ACTN2: variants seen among roughly 807,000 people sequenced by gnomAD.
The protein encoded by ACTN2 is alpha-actinin-2.
In ACTN2, 39 loss-of-function variants were observed where a neutral mutation model predicts 113.8. The ratio of observed to expected loss-of-function variants is 0.34; its 90% CI spans 0.27 to 0.45. ACTN2 has a LOEUF of 0.45. Ranked by LOEUF, ACTN2 falls within the 20% of genes least tolerant of loss-of-function variation. The pLI, the probability that ACTN2 is intolerant of heterozygous loss-of-function variation, is 1.00. For synonymous variants in ACTN2, 429 were observed against 444.1 expected (o/e 0.97, Z 0.43); for missense variants, 992 against 1,177.9 (o/e 0.84, Z 2.31).
intron 1 of ACTN2, among the ~76,000 whole-genome samples, chr1:236,709,900 A>G (rs1367265929): frequency 1.3e-5 from 2 of 152,346 alleles, no homozygotes; most frequent in South Asian, 2.1e-4. Flanking sequence ...TGTAATTATT[A>G]TTAAAGAAAA....
chr1:236,745,956 G>A (rs1300520392), intron 12 of ACTN2, among the ~76,000 whole-genome samples: 1 of 152,074 alleles, frequency 6.6e-6, no homozygotes, highest in Non-Finnish European at 1.5e-5. Flanking sequence ...GAGGTCAGGA[G>A]ATCAAGACCA....
chr1:236,744,765 G>T lies in ACTN2; in HGVS notation c.1395G>T (p.Ala465=), dbSNP rs750674913. The T allele has an allele frequency of 3.3e-5, 53 of 1,613,986 alleles. No homozygotes were observed. In the Admixed American group the frequency reaches 8.3e-4, roughly 25 times the overall value. The change falls in exon 12 of 21, where the codon GCG becomes GCT. Residue 465 remains alanine (A), a synonymous_variant. Coordinates refer to ENST00000366578, the MANE Select transcript of ACTN2 (RefSeq NM_001103.4). ...GCGTGGAGCAGATCGCAGCCATCGCGCAGGAGCTCAAGTATGTGCAGATGC... is the reference window on the plus strand; with the variant it reads ...GCGTGGAGCAGATCGCAGCCATCGCTCAGGAGCTCAAGTATGTGCAGATGC... ...QDRVEQIAAI[A]QELNELDYHD... is the part of the protein sequence containing the mutation.
In ACTN2 at chr1:236,727,770, G is replaced by T; in HGVS notation, c.615+14G>T. 1 of 1,613,804 alleles carries T rather than the reference G, an allele frequency of 6.2e-7. No individual in the cohort carries two copies. On this transcript the variant is annotated intron_variant, in intron 6 of 20. Transcript: ENST00000366578. ...AAGCTTAACAAGGTTATTCTGGGTG[G>T]CCTGGCATGCAGTGTCCCCAGCCAC... is the stretch of plus-strand genomic sequence containing the variant.
chr1:236,761,455 G>A lies in ACTN2; in HGVS notation c.2526+282G>A, dbSNP rs1659707633. On this transcript the variant is annotated intron_variant, in intron 20 of 20. Coordinates refer to ENST00000366578, the MANE Select transcript of ACTN2 (RefSeq NM_001103.4). ...TGCGTGTGTGTGTGTGTGTGTGTGTGTGTATGTGCGCGCTACTGGTTCGAC... is the reference window on the plus strand; with the variant it reads ...TGCGTGTGTGTGTGTGTGTGTGTGTATGTATGTGCGCGCTACTGGTTCGAC... Among the ~76,000 whole-genome samples the A allele has an allele frequency of 2.6e-5, 4 of 151,528 alleles. No individual in the cohort carries two copies. The South Asian group carries it at 8.3e-4, about 32-fold the overall frequency.
rs116924376 is a variant in ACTN2 at position 236,748,701 on chromosome 1, G to C, written c.1516-423G>C. On this transcript the variant is annotated intron_variant, in intron 13 of 20. Transcript: ENST00000366578. ...CCATTAGGTAGGTGACTTTGGGAAA[G>C]GCACACAACTTCTCTGCACATGTTG... is the stretch of plus-strand genomic sequence containing the variant. Among the ~76,000 whole-genome samples the C allele has an allele frequency of 4.1e-3, 618 of 152,284 alleles. 28 individuals are homozygous for C. In the East Asian group the frequency reaches 0.096, roughly 24 times the overall value.
intron 1 of ACTN2, among the ~76,000 whole-genome samples, chr1:236,693,864 G>A (rs1325637862): frequency 6.6e-6 from 1 of 152,194 alleles, no homozygotes; most frequent in African/African-American, 2.4e-5. Context: ...GTTGCCTTCA[G>A]GAGAGAGTTC....
Position 236,726,290 on chromosome 1 carries a change from G to A in ACTN2, c.536+270G>A, listed in dbSNP as rs74146240. Among the ~76,000 whole-genome samples, 3,344 of 152,266 alleles carry A rather than the reference G, an allele frequency of 0.022. 120 individuals are homozygous for A. Among genetic ancestry groups the A allele is most frequent in the African/African-American group, 0.075 (3,135 of 41,528 alleles). On this transcript the variant is annotated intron_variant, in intron 5 of 20. Coordinates refer to ENST00000366578, the MANE Select transcript of ACTN2 (RefSeq NM_001103.4). ...CTACTGAGTTTGGGGGTGTAAGCAT[G>A]CATCTTACTCTAGCCTTCACCCTGG...
At chr1:236,722,809 G>A (rs1204586370) in intron 4 of ACTN2, among the ~76,000 whole-genome samples, 2 of 152,142 alleles carry the variant, frequency 1.3e-5, no homozygotes, top group Admixed American at 6.6e-5. Context: ...TCAGGGTTTT[G>A]TGTGTGGACC....
intron 17 of ACTN2, 120 bp downstream of exon 17, chr1:236,755,318 G>C: frequency 8.3e-7 from 1 of 1,202,330 alleles, no homozygotes; most frequent in East Asian, 2.3e-5. Flanking sequence ...AAGTATGAAA[G>C]TTAGGGATCT....
chr1:236,745,949 G>C (rs1271908966), intron 12 of ACTN2, among the ~76,000 whole-genome samples: 1 of 151,950 alleles, frequency 6.6e-6, no homozygotes, highest in Non-Finnish European at 1.5e-5. Context: ...TGATCACGAG[G>C]TCAGGAGATC....
intron 1 of ACTN2, among the ~76,000 whole-genome samples, chr1:236,698,241 A>G (rs954411659): frequency 6.6e-6 from 1 of 150,726 alleles, no homozygotes; most frequent in African/African-American, 2.4e-5. Flanking sequence ...AAAAAACATG[A>G]TGTAGAATTA....
At chr1:236,690,791 A>G (rs1666051736) in intron 1 of ACTN2, among the ~76,000 whole-genome samples, 1 of 152,180 alleles carries the variant, frequency 6.6e-6, no homozygotes, top group Non-Finnish European at 1.5e-5. Flanking sequence ...TTTTAATCAT[A>G]AGTGTACAAT....
At chr1:236,688,168 A>C (rs1198647947) in intron 1 of ACTN2, among the ~76,000 whole-genome samples, 1 of 152,160 alleles carries the variant, frequency 6.6e-6, no homozygotes, top group Non-Finnish European at 1.5e-5. Flanking sequence ...AAGTGACTTT[A>C]ATTTTTAGCA....
intron 1 of ACTN2, among the ~76,000 whole-genome samples, chr1:236,691,511 G>A (rs1666082000): frequency 6.6e-6 from 1 of 151,754 alleles, no homozygotes; most frequent in East Asian, 2.0e-4. Flanking sequence ...CAGGTGTGGT[G>A]GTGCACAGCT....
intron 1 of ACTN2, among the ~76,000 whole-genome samples, chr1:236,705,416 G>T (rs752876496): frequency 6.6e-6 from 1 of 152,144 alleles, no homozygotes; most frequent in Non-Finnish European, 1.5e-5. Flanking sequence ...TGAGGAAACT[G>T]GTAAGCCGTT....
At chr1:236,722,634 C>A (rs202071064) in intron 4 of ACTN2, among the ~76,000 whole-genome samples, 457 of 112,026 alleles carry the variant, frequency 4.1e-3, no homozygotes, top group Middle Eastern at 0.01. Flanking sequence ...GACTCCGTCT[C>A]AAAAAAAAAA....
intron 4 of ACTN2, among the ~76,000 whole-genome samples, chr1:236,723,085 G>A (rs1622975): frequency 0.99 from 151,152 of 152,330 alleles, 74,999 homozygotes; most frequent in Middle Eastern, 1. Flanking sequence ...AAACTTCAGT[G>A]GCAATTTTAA....
At chr1:236,712,627 C>G (rs995961862) in intron 1 of ACTN2, among the ~76,000 whole-genome samples, 3 of 152,150 alleles carry the variant, frequency 2.0e-5, no homozygotes, top group Non-Finnish European at 4.4e-5. Context: ...CCACTGCACT[C>G]CAGCCTGGGT....
At position 236,725,990 on chromosome 1, in the gene ACTN2, G is replaced by C. The variant is rs727505146; in HGVS notation, c.506G>C (p.Arg169Thr). 7 of 1,614,186 alleles carry C rather than the reference G, an allele frequency of 4.3e-6. 1 individual carries two copies. Among genetic ancestry groups the C allele is most frequent in the Non-Finnish European group, 8.5e-7 (1 of 1,180,018 alleles). Residue 169 changes from arginine (R) to threonine (T), a missense_variant, in exon 5 of 21, where the codon AGA becomes ACA. By Grantham distance (71) the Arg-to-Thr change is moderately conservative (BLOSUM62 -1). Coordinates refer to ENST00000366578, the MANE Select transcript of ACTN2 (RefSeq NM_001103.4). Reference protein sequence around the residue: ...LWCQRKTAPYRNVNIQNFHTS... With the variant: ...LWCQRKTAPYTNVNIQNFHTS... ...TGTCAGAGGAAAACTGCTCCTTATAGAAATGTGAACATTCAGAACTTCCAT... is the reference window on the plus strand; with the variant it reads ...TGTCAGAGGAAAACTGCTCCTTATACAAATGTGAACATTCAGAACTTCCAT...
Sources: allele counts gnomAD v4.1 joint callset (sites outside exome capture counted in the v4.1 genomes callset), GRCh38; gene constraint gnomAD v4.1.1; transcripts MANE v1.5; gene names NCBI Gene and HGNC (gene_info 2026-07-23, HGNC 2026-07-21).